PPARGC1A: variants seen among roughly 807,000 people sequenced by gnomAD.
The protein encoded by PPARGC1A is PPARG coactivator 1 alpha.
Under a neutral mutation model 88.7 loss-of-function variants are expected in PPARGC1A, and 25 were observed. The observed-to-expected ratio is 0.28, with a 90% CI of 0.21 to 0.39. The LOEUF is 0.39. Ranked by LOEUF, PPARGC1A falls within the 10% of genes least tolerant of loss-of-function variation. The pLI is 1.00. For missense variants in PPARGC1A, 880 were observed against 968.7 expected (o/e 0.91, Z 1.22); for synonymous variants, 363 against 355.6 (o/e 1.02, Z -0.24).
the PPARGC1A span, among the ~76,000 whole-genome samples, chr4:23,966,381 G>A: frequency 2.6e-5 from 4 of 152,298 alleles, no homozygotes; most frequent in South Asian, 2.1e-4. Flanking sequence ...TAGTGAGACC[G>A]AGAAACTAGA....
chr4:23,925,417 A>G, the PPARGC1A span, among the ~76,000 whole-genome samples: 1 of 152,234 alleles, frequency 6.6e-6, no homozygotes, highest in Admixed American at 6.5e-5. Flanking sequence ...TAAAATTCCA[A>G]ACCCAATGGT....
chr4:24,354,237 C>T, the PPARGC1A span, among the ~76,000 whole-genome samples: 1 of 152,124 alleles, frequency 6.6e-6, no homozygotes, highest in Non-Finnish European at 1.5e-5. Context: ...CATGTGATTA[C>T]ATTGGGCCCA....
the PPARGC1A span, among the ~76,000 whole-genome samples, chr4:23,918,674 T>C: frequency 6.6e-5 from 10 of 152,204 alleles, no homozygotes; most frequent in African/African-American, 2.4e-4. Context: ...GTCAGGAAGA[T>C]CTTTTTACCC....
the PPARGC1A span, among the ~76,000 whole-genome samples, chr4:23,913,263 T>TAGAGAG: frequency 2.5e-4 from 14 of 56,058 alleles, no homozygotes; most frequent in Admixed American, 1.4e-3. Flanking sequence ...TATATATATA[T>TAGAGAG]ATATAGAGAG....
chr4:24,079,192 T>G, the PPARGC1A span, among the ~76,000 whole-genome samples: 2 of 152,108 alleles, frequency 1.3e-5, no homozygotes, highest in African/African-American at 4.8e-5. Context: ...ATTTTTAAAC[T>G]ATTGATACAT....
At chr4:24,082,765 A>G in the PPARGC1A span, among the ~76,000 whole-genome samples, 1 of 152,150 alleles carries the variant, frequency 6.6e-6, no homozygotes, top group Admixed American at 6.5e-5. Flanking sequence ...GTGACCTATG[A>G]AAATCAATGT....
the PPARGC1A span, among the ~76,000 whole-genome samples, chr4:23,941,497 T>G: frequency 6.6e-6 from 1 of 152,196 alleles, no homozygotes; most frequent in African/African-American, 2.4e-5. Flanking sequence ...ACAAAGAATT[T>G]AGGAATCACC....
At chr4:23,861,589 C>T (rs4697424) in intron 2 of PPARGC1A, among the ~76,000 whole-genome samples, 29,249 of 151,916 alleles carry the variant, frequency 0.19, 3,164 homozygotes, top group Middle Eastern at 0.32. Context: ...TGCAGTGTTA[C>T]ATATTTACTG....
the PPARGC1A span, among the ~76,000 whole-genome samples, chr4:24,138,161 A>T: frequency 6.6e-6 from 1 of 152,208 alleles, no homozygotes; most frequent in Non-Finnish European, 1.5e-5. Context: ...TTAGAACAAC[A>T]AACACACTGC....
chr4:24,034,309 G>A, the PPARGC1A span, among the ~76,000 whole-genome samples: 1 of 152,174 alleles, frequency 6.6e-6, no homozygotes, highest in Non-Finnish European at 1.5e-5. Flanking sequence ...TACATTAAAT[G>A]AAACTCAAAA....
chr4:24,216,298 C>T, the PPARGC1A span, among the ~76,000 whole-genome samples: 1 of 152,028 alleles, frequency 6.6e-6, no homozygotes, highest in African/African-American at 2.4e-5. Flanking sequence ...CAGGCATGCA[C>T]CACCATGCTC....
the PPARGC1A span, among the ~76,000 whole-genome samples, chr4:24,309,440 A>G: frequency 6.6e-6 from 1 of 152,168 alleles, no homozygotes; most frequent in Admixed American, 6.5e-5. Flanking sequence ...AAAAGTGGCC[A>G]GGGTGAGGTT....
chr4:23,908,218 A>G (rs2148895904), upstream of PPARGC1A, among the ~76,000 whole-genome samples: 1 of 152,310 alleles, frequency 6.6e-6, no homozygotes, highest in East Asian at 1.9e-4. Context: ...AGGTATTTAT[A>G]AGCAAAATCA....
chr4:24,241,680 G>T, the PPARGC1A span, among the ~76,000 whole-genome samples: 1 of 152,182 alleles, frequency 6.6e-6, no homozygotes, highest in African/African-American at 2.4e-5. Context: ...TCAATGGGAC[G>T]CCAAACATCT....
At chr4:23,834,701 C>G (rs1386964477) in intron 2 of PPARGC1A, among the ~76,000 whole-genome samples, 1 of 152,032 alleles carries the variant, frequency 6.6e-6, no homozygotes, top group Non-Finnish European at 1.5e-5. Context: ...TTGAAAGGAC[C>G]CTGTATATGT....
At chr4:24,238,652 C>T in the PPARGC1A span, among the ~76,000 whole-genome samples, 3 of 151,932 alleles carry the variant, frequency 2.0e-5, no homozygotes, top group African/African-American at 7.3e-5. Context: ...TACAAAAAGG[C>T]TTCTCAAGAA....
chr4:24,190,986 A>T, the PPARGC1A span, among the ~76,000 whole-genome samples: 2 of 152,306 alleles, frequency 1.3e-5, no homozygotes, highest in Non-Finnish European at 2.9e-5. Flanking sequence ...AGGGCAGCTC[A>T]GTTGTTCTTC....
At chr4:24,443,297 C>T in the PPARGC1A span, among the ~76,000 whole-genome samples, 263 of 150,068 alleles carry the variant, frequency 1.8e-3, 3 homozygotes, top group African/African-American at 6.2e-3. Context: ...ACTTCAGAAC[C>T]GTAAAGAGTA....
At chr4:23,952,499 C>T in the PPARGC1A span, among the ~76,000 whole-genome samples, 3 of 152,026 alleles carry the variant, frequency 2.0e-5, no homozygotes, top group African/African-American at 7.2e-5. Context: ...TACAACTTTA[C>T]CCCCTACTGG....
Sources: gnomAD v4.1 joint callset for allele counts (sites outside exome capture counted in the v4.1 genomes callset) on GRCh38, gnomAD v4.1.1 for gene constraint, MANE v1.5 for transcripts, NCBI Gene and HGNC (gene_info 2026-07-23, HGNC 2026-07-21) for gene names.